STK3: variants seen among roughly 807,000 people sequenced by gnomAD.
STK3 encodes the protein serine/threonine-protein kinase 3.
Under a neutral mutation model 58.0 loss-of-function variants are expected in STK3, and 41 were observed. The ratio of observed to expected loss-of-function variants is 0.71; its 90% CI spans 0.55 to 0.92. The LOEUF is 0.92. Among genes scored for constraint, STK3 ranks in the 40% least tolerant of loss-of-function variants. STK3 has a pLI of 0.00. For missense variants in STK3, 479 were observed against 602.7 expected (o/e 0.79, Z 2.15); for synonymous variants, 170 against 191.0 (o/e 0.89, Z 0.91).
At chr8:98,471,380 T>C (rs967857398) in intron 10 of STK3, among the ~76,000 whole-genome samples, 7 of 149,432 alleles carry the variant, frequency 4.7e-5, no homozygotes, top group Non-Finnish European at 1.0e-4. Flanking sequence ...TTTTAATGCA[T>C]AGACTTACCA....
intron 3 of STK3, among the ~76,000 whole-genome samples, chr8:98,869,022 A>AGAAGGAAGGAAGGAAGGAAG (rs200905250): frequency 9.4e-4 from 105 of 111,774 alleles, no homozygotes; most frequent in South Asian, 1.5e-3. Flanking sequence ...GAAAAAGGAA[A>AGAAGGAAGGAAGGAAGGAAG]GAAGGAAGGA....
chr8:98,571,001 G>GTTC (rs371813592), intron 8 of STK3, among the ~76,000 whole-genome samples: 3 of 152,154 alleles, frequency 2.0e-5, no homozygotes, highest in African/African-American at 7.2e-5. Flanking sequence ...TTCTCCTGCT[G>GTTC]TTCTTTTCTT....
At chr8:98,883,578 A>G (rs546237683), downstream of STK3, 67 of 674,116 alleles carry the variant, frequency 9.9e-5, no homozygotes, top group African/African-American at 1.1e-3. Context: ...GACAATAAAC[A>G]TCTAAAGGAA....
chr8:98,753,000 T>C (rs1026311596), intron 3 of STK3, among the ~76,000 whole-genome samples: 1 of 151,416 alleles, frequency 6.6e-6, no homozygotes, highest in African/African-American at 2.4e-5. Flanking sequence ...AATGCTTATA[T>C]ACTGTTGGTG....
chr8:98,772,170 T>C (rs1831354700), intron 2 of STK3, among the ~76,000 whole-genome samples: 1 of 152,240 alleles, frequency 6.6e-6, no homozygotes, highest in Non-Finnish European at 1.5e-5. Context: ...CAGATTATGT[T>C]TCCTAATTTC....
chr8:98,566,353 C>T (rs1049250989), intron 8 of STK3, among the ~76,000 whole-genome samples: 2 of 151,738 alleles, frequency 1.3e-5, no homozygotes, highest in Non-Finnish European at 2.9e-5. Context: ...ATTTTAGGCC[C>T]CTAATTTTTC....
chr8:98,869,022 A>AGAAG (rs200905250), intron 3 of STK3, among the ~76,000 whole-genome samples: 14,776 of 111,416 alleles, frequency 0.13, 1,076 homozygotes, highest in Middle Eastern at 0.19. Flanking sequence ...GAAAAAGGAA[A>AGAAG]GAAGGAAGGA....
chr8:98,714,452 A>G (rs965097309), intron 4 of STK3, among the ~76,000 whole-genome samples: 17 of 152,226 alleles, frequency 1.1e-4, no homozygotes, highest in African/African-American at 4.1e-4. Context: ...TACAAAGTCA[A>G]TGTGCAAAAA....
chr8:98,728,904 G>A (rs1354462556), intron 4 of STK3, among the ~76,000 whole-genome samples: 1 of 151,954 alleles, frequency 6.6e-6, no homozygotes, highest in Non-Finnish European at 1.5e-5. Flanking sequence ...AACTTGATAT[G>A]CCCTTACCAA....
At chr8:98,789,923 G>C (rs932252409) in intron 1 of STK3, among the ~76,000 whole-genome samples, 1 of 151,598 alleles carries the variant, frequency 6.6e-6, no homozygotes, top group African/African-American at 2.4e-5. Context: ...AGCTACTCGG[G>C]AGGCTGAGGC....
At chr8:98,496,033 A>G (rs1269468088) in intron 10 of STK3, among the ~76,000 whole-genome samples, 1 of 152,148 alleles carries the variant, frequency 6.6e-6, no homozygotes, top group African/African-American at 2.4e-5. Flanking sequence ...TATATTTTCA[A>G]TCACAGTATT....
chr8:98,905,858 T>C (rs1212967000), intron 1 of STK3, among the ~76,000 whole-genome samples: 1 of 152,068 alleles, frequency 6.6e-6, no homozygotes, highest in Non-Finnish European at 1.5e-5. Flanking sequence ...AGCCACATGG[T>C]AGAAGGAGAT....
intron 1 of STK3, among the ~76,000 whole-genome samples, chr8:98,819,967 C>T (rs888913486): frequency 3.3e-5 from 5 of 152,106 alleles, no homozygotes; most frequent in African/African-American, 1.2e-4. Flanking sequence ...TTCCTAATTC[C>T]TGGCCTGAGA....
chr8:98,492,659 T>C (rs1483367017), intron 10 of STK3, among the ~76,000 whole-genome samples: 1 of 152,142 alleles, frequency 6.6e-6, no homozygotes, highest in African/African-American at 2.4e-5. Context: ...AGACCTACAA[T>C]GGCAGTTAAG....
At chr8:98,762,017 A>T (rs1014972505) in intron 3 of STK3, among the ~76,000 whole-genome samples, 37 of 152,188 alleles carry the variant, frequency 2.4e-4, no homozygotes, top group Non-Finnish European at 8.8e-5. Context: ...CTCTTTGCCC[A>T]GCAAATCTAA....
intron 3 of STK3, among the ~76,000 whole-genome samples, chr8:98,754,640 G>A (rs900132086): frequency 6.6e-6 from 1 of 152,012 alleles, no homozygotes; most frequent in Non-Finnish European, 1.5e-5. Context: ...CTCCCAAGTA[G>A]CTGGGATTAC....
intron 1 of STK3, among the ~76,000 whole-genome samples, chr8:98,937,704 A>G (rs2132055974): frequency 6.6e-6 from 1 of 152,354 alleles, no homozygotes; most frequent in African/African-American, 2.4e-5. Flanking sequence ...TCGGTACTTC[A>G]CAGGATTTTT....
intron 6 of STK3, among the ~76,000 whole-genome samples, chr8:98,670,193 A>G (rs1406965485): frequency 6.6e-6 from 1 of 152,044 alleles, no homozygotes; most frequent in Non-Finnish European, 1.5e-5. Flanking sequence ...ACATGGTGAA[A>G]CCCCATCTCT....
chr8:98,724,256 A>T (rs1418631146), intron 4 of STK3, among the ~76,000 whole-genome samples: 1 of 152,182 alleles, frequency 6.6e-6, no homozygotes, highest in African/African-American at 2.4e-5. Flanking sequence ...TAAGGCCTTG[A>T]ATGATACAAT....
Sources: gnomAD v4.1 joint callset for allele counts (sites outside exome capture counted in the v4.1 genomes callset) on GRCh38, gnomAD v4.1.1 for gene constraint, MANE v1.5 for transcripts, NCBI Gene and HGNC (gene_info 2026-07-23, HGNC 2026-07-21) for gene names.